AKAP6: variants seen among roughly 807,000 people sequenced by gnomAD.
AKAP6 encodes the protein A-kinase anchoring protein 6.
Under a neutral mutation model 188.5 loss-of-function variants are expected in AKAP6, and 58 were observed. That is an observed-to-expected ratio of 0.31 (90% confidence interval 0.25 to 0.38). AKAP6 has a LOEUF of 0.38. AKAP6 is among the 10% of genes least tolerant of loss of function. The probability of loss-of-function intolerance (pLI) is 1.00; values close to 1 mark genes in which losing one functional copy is unlikely to be tolerated. For missense variants in AKAP6, 2,710 were observed against 2,740.0 expected, an observed-to-expected ratio of 0.99 and a Z score of 0.24; for synonymous variants, 989 against 998.6, an observed-to-expected ratio of 0.99 and a Z score of 0.18.
chr14:32,395,083 C>T (rs927494290), intron 1 of AKAP6, among the ~76,000 whole-genome samples: 1 of 150,908 alleles, frequency 6.6e-6, no homozygotes, highest in East Asian at 2.0e-4. Flanking sequence ...AGCCTTTTCC[C>T]ACTGGGCCTT....
At chr14:32,726,825 G>A (rs1334054972) in intron 9 of AKAP6, among the ~76,000 whole-genome samples, 1 of 152,130 alleles carries the variant, frequency 6.6e-6, no homozygotes, top group East Asian at 1.9e-4. Context: ...AGAGCTGCGG[G>A]GCTGTCAGAG....
chr14:32,523,525 G>GT (rs892744161), intron 2 of AKAP6, among the ~76,000 whole-genome samples: 2 of 150,112 alleles, frequency 1.3e-5, no homozygotes, highest in Non-Finnish European at 3.0e-5. Context: ...CTAGAGTGCA[G>GT]TGATGTGATC....
chr14:32,591,208 C>CAGGG (rs1307792595), intron 5 of AKAP6, among the ~76,000 whole-genome samples: 1 of 152,174 alleles, frequency 6.6e-6, no homozygotes, highest in East Asian at 1.9e-4. Context: ...CCTTTTCAAT[C>CAGGG]AGGGCCTCTG....
rs967719713 is a variant in AKAP6 at position 32,568,523 on chromosome 14, G to C, written c.2347-8597G>C. On this transcript the variant is annotated intron_variant, in intron 4 of 13. Coordinates refer to ENST00000280979, the MANE Select transcript of AKAP6 (RefSeq NM_004274.5). The surrounding 1 kb of genome is among the most constrained non-coding windows in gnomAD (Gnocchi z 6.2). Reference sequence around the variant, plus strand: ...CATAATCCTAAATTCTAAGTTATGAGTATCTCAGGTGCTCATTTGAGACTT... The same window carrying C: ...CATAATCCTAAATTCTAAGTTATGACTATCTCAGGTGCTCATTTGAGACTT... Among the ~76,000 whole-genome samples the C allele has an allele frequency of 6.6e-6, 1 of 152,046 alleles. No individual in the cohort carries two copies. Among genetic ancestry groups the C allele is most frequent in the East Asian group, 1.9e-4 (1 of 5,200 alleles).
chr14:32,510,403 T>C (rs1161012842), intron 2 of AKAP6, among the ~76,000 whole-genome samples: 2 of 98,370 alleles, frequency 2.0e-5, no homozygotes, highest in Admixed American at 1.1e-4. Flanking sequence ...TGTATATATA[T>C]GTATATATAT....
intron 12 of AKAP6, among the ~76,000 whole-genome samples, chr14:32,785,932 C>T (rs1015460768): frequency 6.6e-5 from 10 of 152,136 alleles, no homozygotes; most frequent in African/African-American, 2.4e-4. Flanking sequence ...AAGTATCATT[C>T]TCAGAAAATG....
At chr14:32,439,408 G>A (rs1348937976) in intron 2 of AKAP6, among the ~76,000 whole-genome samples, 1 of 152,192 alleles carries the variant, frequency 6.6e-6, no homozygotes, top group Non-Finnish European at 1.5e-5. Context: ...AGGGGATGGT[G>A]AGTTGTGGTA....
At chr14:32,432,956 T>C (rs1318560862) in intron 1 of AKAP6, among the ~76,000 whole-genome samples, 1 of 152,120 alleles carries the variant, frequency 6.6e-6, no homozygotes, top group East Asian at 1.9e-4. Context: ...TGGGTCTGAG[T>C]TGCCAGCTGC....
chr14:32,586,036 A>G (rs1257303652), intron 5 of AKAP6, among the ~76,000 whole-genome samples: 1 of 152,154 alleles, frequency 6.6e-6, no homozygotes, highest in Non-Finnish European at 1.5e-5. Context: ...TCAACCATAT[A>G]TTTGATGGGG....
At chr14:32,693,468 T>G (rs1391587176) in intron 8 of AKAP6, 7 of 152,246 alleles carry the variant, frequency 4.6e-5, no homozygotes, top group Non-Finnish European at 8.8e-5. Context: ...AAGAGAATTC[T>G]AACCGAAGAT....
Position 32,600,706 on chromosome 14 carries a change from A to G in AKAP6, c.2644A>G (p.Ile882Val), listed in dbSNP as rs574067247. 6.2e-7 allele frequency: 1 copy of G among 1,613,712 alleles called. No homozygotes were observed. The highest frequency in any genetic ancestry group is 8.5e-7 in the Non-Finnish European group (1 of 1,179,836). Residue 882 changes from isoleucine to valine, a missense_variant, in exon 7 of 14, where the codon ATT becomes GTT. Ile to Val is a conservative substitution (Grantham distance 29, BLOSUM62 3). This residue lies in a region of AKAP6 where 2,473 missense variants were observed against 2,426.1 expected (regional missense o/e 1.02). Coordinates refer to ENST00000280979, the MANE Select transcript of AKAP6 (RefSeq NM_004274.5). ...GCAAATCAAACGGCAGCACAGCTGG[A>G]TTCTCAGGGCTCTGGATACCATCAA... The part of the protein sequence containing the change: ...QRQIKRQHSW[I>V]LRALDTIKAE...
At chr14:32,665,572 G>C (rs1164615782) in intron 7 of AKAP6, among the ~76,000 whole-genome samples, 3 of 152,074 alleles carry the variant, frequency 2.0e-5, no homozygotes. Flanking sequence ...GTCCTCTTGG[G>C]GTTTTATGGA....
chr14:32,621,133 C>T (rs1330268366), intron 7 of AKAP6, among the ~76,000 whole-genome samples: 1 of 151,834 alleles, frequency 6.6e-6, no homozygotes, highest in Non-Finnish European at 1.5e-5. Context: ...ACTAACTTTT[C>T]ATTTCATTGG....
chr14:32,764,668 G>A (rs535277039), intron 11 of AKAP6, among the ~76,000 whole-genome samples: 5 of 150,186 alleles, frequency 3.3e-5, no homozygotes, highest in South Asian at 4.2e-4. Flanking sequence ...CCATTTCCTC[G>A]TTTGTCAAAT....
intron 8 of AKAP6, among the ~76,000 whole-genome samples, chr14:32,686,390 G>C (rs1316934624): frequency 2.6e-5 from 4 of 152,128 alleles, no homozygotes; most frequent in South Asian, 2.1e-4. Flanking sequence ...GCACAACAGG[G>C]GGGCTATAGT....
intron 12 of AKAP6, among the ~76,000 whole-genome samples, chr14:32,780,764 A>G (rs1401706889): frequency 6.6e-6 from 1 of 152,096 alleles, no homozygotes; most frequent in Non-Finnish European, 1.5e-5. Flanking sequence ...CTCCATATCT[A>G]TTTTTTTAAG....
At chr14:32,356,978 T>C (rs1016439701) in intron 1 of AKAP6, among the ~76,000 whole-genome samples, 9 of 152,256 alleles carry the variant, frequency 5.9e-5, no homozygotes, top group Admixed American at 5.2e-4. Context: ...AAATTCATAT[T>C]ACAGTGAATT....
chr14:32,546,535 G>A lies in AKAP6; in HGVS notation c.1882G>A (p.Asp628Asn). Reference sequence around the variant, plus strand: ...GGTTGTGGAGGCCTGGTATGGCTCTGATGAATACCTAGCACTGCCCTCTCA... The same window carrying A: ...GGTTGTGGAGGCCTGGTATGGCTCTAATGAATACCTAGCACTGCCCTCTCA... ...GEVVEAWYGS[D>N]EYLALPSHLK... The change falls in exon 4 of 14, where the codon GAT becomes AAT. Residue 628 changes from aspartate to asparagine, a missense_variant. Physicochemically the swap from Asp to Asn is conservative, Grantham distance 23. Coordinates refer to ENST00000280979, the MANE Select transcript of AKAP6 (RefSeq NM_004274.5). 6.2e-7 allele frequency: 1 copy of A among 1,614,144 alleles called. No individual in the cohort carries two copies. The highest frequency in any genetic ancestry group is 8.5e-7 in the Non-Finnish European group (1 of 1,180,016).
intron 12 of AKAP6, among the ~76,000 whole-genome samples, chr14:32,814,017 C>T (rs560724169): frequency 1.8e-4 from 27 of 152,072 alleles, no homozygotes; most frequent in African/African-American, 6.3e-4. Flanking sequence ...TGTTCTCCTT[C>T]CAAGACTGGT....
Sources: gnomAD v4.1 joint callset for allele counts (sites outside exome capture counted in the v4.1 genomes callset) on GRCh38, gnomAD v4.1.1 for gene constraint, gnomAD v4.1.1 regional missense constraint, Gnocchi (gnomAD v3.1) non-coding constraint, MANE v1.5 for transcripts, NCBI Gene and HGNC (gene_info 2026-07-23, HGNC 2026-07-21) for gene names.